The following CTNNA3 variants were observed in gnomAD, a reference collection of about 807,000 sequenced individuals.
CTNNA3 encodes the protein catenin alpha 3.
A neutral mutation model predicts 95.7 loss-of-function variants in CTNNA3; 76 were observed. The observed-to-expected ratio is 0.79, with a 90% confidence interval of 0.66 to 0.96. The LOEUF is 0.96. Among genes scored for constraint, CTNNA3 ranks in the 40% least tolerant of loss-of-function variants. The probability of loss-of-function intolerance (pLI) is 0.00; values close to 1 mark genes in which losing one functional copy is unlikely to be tolerated. For missense variants in CTNNA3, 1,191 were observed against 1,089.8 expected, an observed-to-expected ratio of 1.09 and a Z score of -1.31; for synonymous variants, 431 against 374.4, an observed-to-expected ratio of 1.15 and a Z score of -1.74.
chr10:66,767,581 T>C (rs1242357872), intron 8 of CTNNA3, among the ~76,000 whole-genome samples: 1 of 152,154 alleles, frequency 6.6e-6, no homozygotes, highest in Non-Finnish European at 1.5e-5. Flanking sequence ...ATAAAACAGA[T>C]AAATAGCTGT....
At position 65,920,093 on chromosome 10, in the gene CTNNA3, A is replaced by C; in HGVS notation, c.*237T>G. On this transcript the variant is annotated 3_prime_UTR_variant, in exon 18 of 18. Transcript: ENST00000433211. Reference sequence around the variant, plus strand: ...TGGGAAACGCTGAATGACACGTGATAATTTCATTCATTCAACAAGCAAATA... The same window carrying C: ...TGGGAAACGCTGAATGACACGTGATCATTTCATTCATTCAACAAGCAAATA... 1.9e-6 allele frequency: 1 copy of C among 533,664 alleles called. No homozygotes were observed. Among genetic ancestry groups the C allele is most frequent in the Non-Finnish European group, 3.3e-6 (1 of 300,132 alleles). The allele number at this position is 533,664 out of a possible 1,614,324, so 33.1% of individuals were successfully genotyped here.
chr10:66,474,682 C>G (rs1012170236), intron 11 of CTNNA3, among the ~76,000 whole-genome samples: 3 of 151,900 alleles, frequency 2.0e-5, no homozygotes, highest in Admixed American at 6.6e-5. Context: ...AAGTGTTCTC[C>G]TTTCTCTGCA....
chr10:67,616,287 C>T (rs1357394663), intron 2 of CTNNA3, among the ~76,000 whole-genome samples: 2 of 152,130 alleles, frequency 1.3e-5, no homozygotes, highest in Admixed American at 6.5e-5. Context: ...CTGGAAGTTA[C>T]TGAAGTGCTT....
At chr10:66,432,517 G>A (rs1407145026) in intron 11 of CTNNA3, among the ~76,000 whole-genome samples, 1 of 151,954 alleles carries the variant, frequency 6.6e-6, no homozygotes, top group Non-Finnish European at 1.5e-5. Context: ...AATTAGCCGG[G>A]CGTAGTGGTG....
intron 7 of CTNNA3, among the ~76,000 whole-genome samples, chr10:66,915,131 G>C (rs1357110213): frequency 2.0e-5 from 3 of 149,108 alleles, no homozygotes; most frequent in African/African-American, 7.4e-5. Context: ...CAATACATTT[G>C]TATAGAACTG....
intron 3 of CTNNA3, among the ~76,000 whole-genome samples, chr10:67,550,849 C>T (rs1200470374): frequency 6.6e-6 from 1 of 152,150 alleles, no homozygotes; most frequent in Non-Finnish European, 1.5e-5. Context: ...GAAGATTTAT[C>T]ACGTCAAAAT....
chr10:67,390,162 C>A (rs1420753849), intron 5 of CTNNA3, among the ~76,000 whole-genome samples: 1 of 152,096 alleles, frequency 6.6e-6, no homozygotes, highest in Non-Finnish European at 1.5e-5. Flanking sequence ...AGACCACTAG[C>A]ATGACTAATA....
chr10:66,563,477 G>GA lies in CTNNA3; in HGVS notation c.1375-42705dup, dbSNP rs578079524. ...TAAAAGAAAAAGTTGTTCCATTACA[G>GA]AAAAAAAGATTTTTTAAAGATATAA... On this transcript the variant is annotated intron_variant, in intron 10 of 17. Coordinates refer to ENST00000433211, the MANE Select transcript of CTNNA3 (RefSeq NM_013266.4). 6.6e-4 allele frequency among the ~76,000 whole-genome samples: 101 copies of GA among 152,024 alleles called. 1 individual carries two copies. The highest frequency in any genetic ancestry group is 2.2e-3 in the African/African-American group (90 of 41,490).
intron 14 of CTNNA3, among the ~76,000 whole-genome samples, chr10:66,081,139 T>G (rs751624498): frequency 5.3e-5 from 8 of 152,146 alleles, no homozygotes; most frequent in Non-Finnish European, 1.0e-4. Context: ...GAACCTGAGA[T>G]CTAGGGCAAT....
intron 5 of CTNNA3, among the ~76,000 whole-genome samples, chr10:67,484,259 G>A (rs769479671): frequency 1.2e-4 from 19 of 152,174 alleles, no homozygotes; most frequent in Non-Finnish European, 2.5e-4. Context: ...TGGGACAGCT[G>A]ACTAGTCATA....
At chr10:66,199,805 A>ATATGTATATATATATATTTTTTTT (rs1564756586) in intron 13 of CTNNA3, among the ~76,000 whole-genome samples, 4 of 14,296 alleles carry the variant, frequency 2.8e-4, no homozygotes, top group Non-Finnish European at 2.2e-4. Context: ...ATATATATAT[A>ATATGTATATATATATATTTTTTTT]TTTTTTTTTT....
intron 7 of CTNNA3, among the ~76,000 whole-genome samples, chr10:66,951,219 G>A (rs901761878): frequency 6.6e-6 from 1 of 151,514 alleles, no homozygotes; most frequent in East Asian, 2.0e-4. Context: ...GGGTTCAAGC[G>A]ATTCTCCTGC....
chr10:67,590,564 T>C (rs1343433241), intron 3 of CTNNA3, among the ~76,000 whole-genome samples: 3 of 152,146 alleles, frequency 2.0e-5, no homozygotes, highest in African/African-American at 7.2e-5. Flanking sequence ...TAACATATGG[T>C]ATTGTCAGAC....
chr10:67,071,355 G>A (rs1353692646), intron 7 of CTNNA3, among the ~76,000 whole-genome samples: 1 of 135,474 alleles, frequency 7.4e-6, no homozygotes, highest in East Asian at 2.1e-4. Context: ...GTCAGAAAAT[G>A]TCTTTGTTTC....
chr10:66,248,839 C>T (rs760498565), intron 13 of CTNNA3, among the ~76,000 whole-genome samples: 12 of 152,078 alleles, frequency 7.9e-5, no homozygotes, highest in Non-Finnish European at 8.8e-5. Context: ...ACAGATCTTC[C>T]AGGCAGAAAA....
intron 9 of CTNNA3, among the ~76,000 whole-genome samples, chr10:66,763,781 A>C (rs1589228007): frequency 6.6e-6 from 1 of 152,214 alleles, no homozygotes; most frequent in Non-Finnish European, 1.5e-5. Context: ...CTGAAGCTAC[A>C]TGAAGAAGCC....
intron 9 of CTNNA3, among the ~76,000 whole-genome samples, chr10:66,748,102 C>A (rs957760505): frequency 3.3e-5 from 5 of 152,136 alleles, no homozygotes; most frequent in African/African-American, 1.2e-4. Context: ...AAGGTATCAG[C>A]ACCATCTCAT....
At chr10:65,953,002 A>C in intron 17 of CTNNA3, among the ~76,000 whole-genome samples, 1 of 152,246 alleles carries the variant, frequency 6.6e-6, no homozygotes, top group Admixed American at 6.5e-5. Flanking sequence ...CTGACCCAAA[A>C]GCATGACATT....
At chr10:65,995,098 T>C (rs1284579274) in intron 15 of CTNNA3, among the ~76,000 whole-genome samples, 1 of 152,114 alleles carries the variant, frequency 6.6e-6, no homozygotes, top group South Asian at 2.1e-4. Flanking sequence ...TGTTCTATTG[T>C]ATCTCACTGA....
Sources: gnomAD v4.1 joint callset for allele counts (sites outside exome capture counted in the v4.1 genomes callset) on GRCh38, gnomAD v4.1.1 for gene constraint, MANE v1.5 for transcripts, NCBI Gene and HGNC (gene_info 2026-07-23, HGNC 2026-07-21) for gene names.